The following CNTN5 variants were observed in gnomAD, a reference collection of about 807,000 sequenced individuals.
CNTN5 encodes the protein contactin-5.
Under a neutral mutation model 129.1 loss-of-function variants are expected in CNTN5, and 77 were observed. The observed-to-expected ratio is 0.60, with a 90% CI of 0.50 to 0.72. CNTN5 has a LOEUF of 0.72. Among genes scored for constraint, CNTN5 ranks in the 30% least tolerant of loss-of-function variants. The pLI is 0.00. For synonymous variants in CNTN5, 509 were observed against 465.6 expected (o/e 1.09, Z -1.20); for missense variants, 1,478 against 1,328.8 (o/e 1.11, Z -1.75).
At chr11:100,346,506 A>G (rs532212368) in intron 23 of CNTN5, among the ~76,000 whole-genome samples, 10 of 152,270 alleles carry the variant, frequency 6.6e-5, no homozygotes, top group African/African-American at 1.9e-4. Flanking sequence ...CACTTCAGCA[A>G]ATGTCCCCTT....
intron 2 of CNTN5, among the ~76,000 whole-genome samples, chr11:99,381,457 A>G (rs1352580584): frequency 1.3e-5 from 2 of 152,198 alleles, no homozygotes; most frequent in African/African-American, 4.8e-5. Context: ...TTGGCATTGA[A>G]CTTGAAAAGG....
intron 23 of CNTN5, among the ~76,000 whole-genome samples, chr11:100,348,543 A>G (rs983033475): frequency 6.6e-6 from 1 of 152,002 alleles, no homozygotes; most frequent in African/African-American, 2.4e-5. Flanking sequence ...TCTTTGTCAT[A>G]AGAAATGTAA....
At position 100,293,259 on chromosome 11, in the gene CNTN5, C is replaced by G. The variant is rs192720551; in HGVS notation, c.2315-4366C>G. ...GTACACTCACCTCCTATCTTCTTGA[C>G]TATTGCCACTTACAAGGAGGTTTAT... is the stretch of plus-strand genomic sequence containing the variant. On this transcript the variant is annotated intron_variant, in intron 18 of 24. Transcript: ENST00000524871. Among the ~76,000 whole-genome samples the G allele has an allele frequency of 3.5e-3, 537 of 151,932 alleles. 2 individuals are homozygous for G. Among genetic ancestry groups the G allele is most frequent in the Admixed American group, 6.2e-3 (95 of 15,234 alleles).
At chr11:100,108,041 G>A (rs1490552395) in intron 13 of CNTN5, among the ~76,000 whole-genome samples, 1 of 148,206 alleles carries the variant, frequency 6.7e-6, no homozygotes, top group Non-Finnish European at 1.5e-5. Context: ...AAAGGCATTC[G>A]AAGTGCATTG....
At chr11:100,263,424 T>A (rs987346029) in intron 17 of CNTN5, among the ~76,000 whole-genome samples, 6 of 152,208 alleles carry the variant, frequency 3.9e-5, no homozygotes, top group Admixed American at 1.3e-4. Context: ...AAAATTTGTT[T>A]ATCTATATGC....
Position 99,883,813 on chromosome 11 carries a change from T to C in CNTN5, c.578-32241T>C, listed in dbSNP as rs184698434. 5.9e-3 allele frequency among the ~76,000 whole-genome samples: 903 copies of C among 152,308 alleles called. 5 individuals are homozygous for C. Among genetic ancestry groups the C allele is most frequent in the African/African-American group, 0.02 (836 of 41,572 alleles). On this transcript the variant is annotated intron_variant, in intron 6 of 24. Transcript: ENST00000524871. Reference sequence around the variant, plus strand: ...AAATCAGCTTTCTTTAAGAACAGCATGTCCACACCCTTTTCAGACTCACTA... The same window carrying C: ...AAATCAGCTTTCTTTAAGAACAGCACGTCCACACCCTTTTCAGACTCACTA...
intron 1 of CNTN5, among the ~76,000 whole-genome samples, chr11:99,162,007 G>A (rs1440601145): frequency 1.3e-5 from 2 of 152,084 alleles, no homozygotes; most frequent in Non-Finnish European, 2.9e-5. Flanking sequence ...ATCTTGCTCA[G>A]ATTACTACTA....
intron 3 of CNTN5, among the ~76,000 whole-genome samples, chr11:99,648,264 G>T (rs1203715236): frequency 6.6e-6 from 1 of 151,772 alleles, no homozygotes; most frequent in Non-Finnish European, 1.5e-5. Flanking sequence ...TTGCATTCCT[G>T]GGATAAATAA....
chr11:99,064,397 GA>G (rs1865016871), intron 1 of CNTN5, among the ~76,000 whole-genome samples: 2 of 152,204 alleles, frequency 1.3e-5, no homozygotes, highest in South Asian at 4.1e-4. Flanking sequence ...TGTAGGGAAA[GA>G]GCAACCTGAA....
At chr11:100,066,617 C>T (rs961513036) in intron 10 of CNTN5, among the ~76,000 whole-genome samples, 1 of 152,024 alleles carries the variant, frequency 6.6e-6, no homozygotes, top group Non-Finnish European at 1.5e-5. Context: ...TGCCATATGT[C>T]TCTTCAGTTT....
At chr11:99,466,721 A>C (rs1347996371) in intron 2 of CNTN5, among the ~76,000 whole-genome samples, 1 of 152,160 alleles carries the variant, frequency 6.6e-6, no homozygotes, top group Admixed American at 6.5e-5. Flanking sequence ...AGGAGACTTA[A>C]GCTCCCCCTA....
intron 8 of CNTN5, among the ~76,000 whole-genome samples, chr11:99,966,711 A>T (rs1951103827): frequency 6.6e-6 from 1 of 152,238 alleles, no homozygotes; most frequent in South Asian, 2.1e-4. Flanking sequence ...CATAGATGGT[A>T]GTGAGCGTAG....
At chr11:99,707,691 A>G (rs1954813171) in intron 3 of CNTN5, among the ~76,000 whole-genome samples, 1 of 151,652 alleles carries the variant, frequency 6.6e-6, no homozygotes, top group Non-Finnish European at 1.5e-5. Context: ...ATGAAGAATG[A>G]AACTTAATCT....
intron 6 of CNTN5, among the ~76,000 whole-genome samples, chr11:99,854,163 G>A (rs887604640): frequency 6.6e-6 from 1 of 151,972 alleles, no homozygotes. Flanking sequence ...AAATTTCCTT[G>A]CCTACCTGGA....
In CNTN5 at chr11:99,344,251, A is replaced by G. The variant is rs142444013; in HGVS notation, c.-71+18767A>G. ...AGTAAAATTAAGGATCTGTATTTTCAAAAACCTTTTACCAGACATATTTTG... is the reference window on the plus strand; with the variant it reads ...AGTAAAATTAAGGATCTGTATTTTCGAAAACCTTTTACCAGACATATTTTG... On this transcript the variant is annotated intron_variant, in intron 2 of 24. Coordinates refer to ENST00000524871, the MANE Select transcript of CNTN5 (RefSeq NM_014361.4). Among the ~76,000 whole-genome samples, 1,069 of 152,320 alleles carry G rather than the reference A, an allele frequency of 7.0e-3. 8 individuals are homozygous for G. Among genetic ancestry groups the G allele is most frequent in the Non-Finnish European group, 0.012 (801 of 68,032 alleles).
At chr11:99,239,404 T>C (rs991365026) in intron 1 of CNTN5, among the ~76,000 whole-genome samples, 14 of 152,238 alleles carry the variant, frequency 9.2e-5, no homozygotes, top group African/African-American at 3.4e-4. Context: ...GTCTCGAATC[T>C]AAGTTAATGG....
At position 100,002,055 on chromosome 11, in the gene CNTN5, C is replaced by A; in HGVS notation, c.899C>A (p.Pro300Gln). The A allele has an allele frequency of 6.3e-7, 1 of 1,596,090 alleles. No individual in the cohort carries two copies. Among genetic ancestry groups the A allele is most frequent in the South Asian group, 1.1e-5 (1 of 87,210 alleles). Residue 300 changes from proline (P) to glutamine (Q), a missense_variant, in exon 9 of 25, where the codon CCG (proline) becomes CAG (glutamine). Coordinates refer to ENST00000524871, the MANE Select transcript of CNTN5 (RefSeq NM_014361.4). ...RNDGVMGEYE[P>Q]KIEVHFPFTV... ...TAAGGTGTGATGGGAGAATATGAGC[C>A]GAAAATTGAGGTCCATTTTCCTTTC...
At chr11:99,797,431 C>A (rs569954668) in intron 3 of CNTN5, among the ~76,000 whole-genome samples, 1 of 152,082 alleles carries the variant, frequency 6.6e-6, no homozygotes, top group Non-Finnish European at 1.5e-5. Flanking sequence ...AGCCAAAAAA[C>A]GTTAAGAAAT....
intron 1 of CNTN5, among the ~76,000 whole-genome samples, chr11:99,037,579 T>TC (rs1555023994): frequency 7.7e-6 from 1 of 130,474 alleles, no homozygotes; most frequent in Non-Finnish European, 1.5e-5. Context: ...TTCTTTTCTT[T>TC]TTTTTTTTTT....
Sources: gnomAD v4.1 joint callset for allele counts (sites outside exome capture counted in the v4.1 genomes callset) on GRCh38, gnomAD v4.1.1 for gene constraint, MANE v1.5 for transcripts, NCBI Gene and HGNC (gene_info 2026-07-23, HGNC 2026-07-21) for gene names.